MS4A12: variants seen among roughly 807,000 people sequenced by gnomAD.
MS4A12 encodes the protein membrane-spanning 4-domains subfamily A member 12.
In MS4A12, 28 loss-of-function variants were observed where a neutral mutation model predicts 23.7. The observed-to-expected ratio is 1.18, with a 90% CI of 0.88 to 1.62. The LOEUF is 1.62. MS4A12 is among the 40% of genes most tolerant of loss of function. The probability of loss-of-function intolerance (pLI) is 0.00; values close to 1 mark genes in which losing one functional copy is unlikely to be tolerated. For synonymous variants in MS4A12, 108 were observed against 110.1 expected, an observed-to-expected ratio of 0.98 and a Z score of 0.12; for missense variants, 342 against 327.0, an observed-to-expected ratio of 1.05 and a Z score of -0.35.
intron 5 of MS4A12, among the ~76,000 whole-genome samples, chr11:60,506,220 A>G (rs75103511): frequency 8.9e-4 from 135 of 152,292 alleles, no homozygotes; most frequent in African/African-American, 3.1e-3. Flanking sequence ...AATAGAAATA[A>G]CATGATTCCA....
Position 60,497,425 on chromosome 11 carries a change from C to T in MS4A12, c.107C>T (p.Ser36Leu). ...CCTGGATTTCAACAGCCTCTGGGTT[C>T]AATCAACTTAGAAAACCAAGCTCAG... ...MAPGFQQPLG[S>L]INLENQAQGA... Residue 36 changes from serine to leucine, a missense_variant, in exon 2 of 7, where the codon TCA (serine) becomes TTA (leucine). Coordinates refer to ENST00000016913, the MANE Select transcript of MS4A12 (RefSeq NM_017716.3). The T allele has an allele frequency of 1.2e-6, 2 of 1,614,164 alleles. No individual in the cohort carries two copies. The highest frequency in any genetic ancestry group is 1.7e-6 in the Non-Finnish European group (2 of 1,180,030).
intron 2 of MS4A12, among the ~76,000 whole-genome samples, chr11:60,498,676 G>T (rs375504872): frequency 6.6e-6 from 1 of 152,156 alleles, no homozygotes; most frequent in African/African-American, 2.4e-5. Context: ...AGAAGGTGTC[G>T]AATGATATAG....
At chr11:60,493,262 G>C (rs1007179851) in intron 1 of MS4A12, among the ~76,000 whole-genome samples, 3 of 151,838 alleles carry the variant, frequency 2.0e-5, no homozygotes, top group Non-Finnish European at 2.9e-5. Flanking sequence ...TGTAATCCCA[G>C]CTACTCGGGG....
At chr11:60,506,869 C>A (rs779485478) in intron 6 of MS4A12, 31 bp downstream of exon 6, 1 of 1,586,028 alleles carries the variant, frequency 6.3e-7, no homozygotes, top group Non-Finnish European at 8.7e-7. Flanking sequence ...GTAAAATAAT[C>A]TGAAAATGCC....
intron 1 of MS4A12, among the ~76,000 whole-genome samples, chr11:60,496,204 T>C (rs73485012): frequency 5.1e-4 from 77 of 152,320 alleles, no homozygotes; most frequent in African/African-American, 1.8e-3. Flanking sequence ...CAGTGATACA[T>C]TGTACCAATA....
At chr11:60,500,171 G>A (rs1018111872) in intron 2 of MS4A12, among the ~76,000 whole-genome samples, 2 of 151,112 alleles carry the variant, frequency 1.3e-5, no homozygotes, top group African/African-American at 4.9e-5. Context: ...AACCCGGGAG[G>A]CGGAGCTTGC....
intron 4 of MS4A12, 78 bp from the exon 5 acceptor site, chr11:60,503,623 T>A: frequency 8.6e-7 from 1 of 1,168,308 alleles, no homozygotes; most frequent in Non-Finnish European, 1.2e-6. Context: ...TTAAGAACCA[T>A]GAAATTTGAT....
intron 4 of MS4A12, among the ~76,000 whole-genome samples, chr11:60,503,438 G>C (rs2086545936): frequency 6.6e-6 from 1 of 152,028 alleles, no homozygotes; most frequent in East Asian, 1.9e-4. Context: ...TGTGCATGAA[G>C]CTTTTAGTAA....
chr11:60,497,246 T>C (rs2086493904), intron 1 of MS4A12, 67 bp from the exon 2 acceptor site: 8 of 1,476,074 alleles, frequency 5.4e-6, no homozygotes, highest in South Asian at 5.4e-5. Context: ...ATTTGACATT[T>C]GGTAAGATTT....
chr11:60,499,812 C>T (rs929732175), intron 2 of MS4A12, among the ~76,000 whole-genome samples: 1 of 151,982 alleles, frequency 6.6e-6, no homozygotes, highest in Non-Finnish European at 1.5e-5. Context: ...AAGTTTTGGA[C>T]CAATCTAGAA....
Position 60,497,454 on chromosome 11 carries a change from G to A in MS4A12, c.136G>A (p.Ala46Thr). 2 of 1,614,162 alleles carry A rather than the reference G, an allele frequency of 1.2e-6. No homozygotes were observed. Among genetic ancestry groups the A allele is most frequent in the Non-Finnish European group, 1.7e-6 (2 of 1,180,020 alleles). Residue 46 changes from alanine (A) to threonine (T), a missense_variant, in exon 2 of 7, where the codon GCT becomes ACT. Physicochemically the swap from Ala to Thr is moderately conservative, Grantham distance 58. Transcript: ENST00000016913. ...CAACTTAGAAAACCAAGCTCAGGGT[G>A]CTCAGCGTGCTCAGCCCTACGGCAT... The part of the protein sequence containing the change: ...SINLENQAQG[A>T]QRAQPYGITS...
At chr11:60,504,102 CA>C (rs776409687) in intron 5 of MS4A12, among the ~76,000 whole-genome samples, 24 of 152,198 alleles carry the variant, frequency 1.6e-4, no homozygotes, top group Non-Finnish European at 2.6e-4. Context: ...TAAAATTGTC[CA>C]AAAATTATTT....
At chr11:60,497,845 C>G in intron 2 of MS4A12, 1 of 453,230 alleles carries the variant, frequency 2.2e-6, no homozygotes, top group East Asian at 4.1e-5. Context: ...GACAGAAGCA[C>G]TGTTACATCT....
chr11:60,499,987 A>G (rs1018206083), intron 2 of MS4A12, among the ~76,000 whole-genome samples: 3 of 152,182 alleles, frequency 2.0e-5, no homozygotes, highest in Non-Finnish European at 4.4e-5. Context: ...AAAAAGGACA[A>G]TATACACTTT....
intron 1 of MS4A12, among the ~76,000 whole-genome samples, chr11:60,496,321 A>G (rs1459133299): frequency 6.6e-6 from 1 of 152,202 alleles, no homozygotes; most frequent in African/African-American, 2.4e-5. Context: ...GAAGACCTCA[A>G]AAAAAGGAAT....
Position 60,503,827 on chromosome 11 carries a change from C to T in MS4A12, c.588+10C>T, listed in dbSNP as rs1177186560. On this transcript the variant is annotated intron_variant, in intron 5 of 6. Transcript: ENST00000016913. ...AGACTACTGGGCCGTGGTAAGTATCCCATACTCCACCATGTGCCTGCTCTA... is the reference window on the plus strand; with the variant it reads ...AGACTACTGGGCCGTGGTAAGTATCTCATACTCCACCATGTGCCTGCTCTA... The T allele has an allele frequency of 1.3e-6, 2 of 1,598,174 alleles. No homozygotes were observed. The highest frequency in any genetic ancestry group is 3.4e-5 in the Admixed American group (2 of 58,958).
rs2086577128 is a variant in MS4A12, at chr11:60,507,127, A to G, written c.*3A>G. On this transcript the variant is annotated 3_prime_UTR_variant, in exon 7 of 7. Coordinates refer to ENST00000016913, the MANE Select transcript of MS4A12 (RefSeq NM_017716.3). ...ACTCAGCTAATGCCCCTAAATAGTA[A>G]AAGAAAAAGGGGTATCAGTCTAATC... 6.3e-7 allele frequency: 1 copy of G among 1,599,850 alleles called. No individual in the cohort carries two copies. The highest frequency in any genetic ancestry group is 8.6e-7 in the Non-Finnish European group (1 of 1,167,158).
At position 60,506,738 on chromosome 11, in the gene MS4A12, A is replaced by G. The variant is rs746610650; in HGVS notation, c.599A>G (p.Lys200Arg). 1 of 1,614,002 alleles carries G rather than the reference A, an allele frequency of 6.2e-7. No homozygotes were observed. The change falls in exon 6 of 7, where the codon AAA becomes AGA. Residue 200 changes from lysine to arginine, a missense_variant. By Grantham distance (26) the Lys-to-Arg change is conservative (BLOSUM62 2). Transcript: ENST00000016913. ...GQDYWAVLSGKGISATLMIFS... is the reference protein window; with the variant it reads ...GQDYWAVLSGRGISATLMIFS... ...TATTTATGATTTCAGCTTTCTGGAA[A>G]AGGCATTTCAGCCACGCTGATGATC...
intron 5 of MS4A12, 28 bp downstream of exon 5, chr11:60,503,845 C>A: frequency 6.3e-7 from 1 of 1,582,720 alleles, no homozygotes; most frequent in Non-Finnish European, 8.7e-7. Context: ...CACCATGTGC[C>A]TGCTCTATTT....
Sources: allele counts gnomAD v4.1 joint callset (sites outside exome capture counted in the v4.1 genomes callset), GRCh38; gene constraint gnomAD v4.1.1; transcripts MANE v1.5; gene names NCBI Gene and HGNC (gene_info 2026-07-23, HGNC 2026-07-21).